Variants in CST7 observed in about 807,000 individuals in gnomAD.
The protein encoded by CST7 is cystatin F.
In CST7, 15 loss-of-function variants were observed where a neutral mutation model predicts 13.1. That is an observed-to-expected ratio of 1.14 (90% CI 0.77 to 1.76). CST7 has a LOEUF of 1.76. CST7 is among the 40% of genes most tolerant of loss of function. CST7 has a pLI of 0.00. For missense variants in CST7, 193 were observed against 178.8 expected, an observed-to-expected ratio of 1.08 and a Z score of -0.45; for synonymous variants, 75 against 66.9, an observed-to-expected ratio of 1.12 and a Z score of -0.59.
chr20:24,952,047 C>T (rs955736118), intron 1 of CST7, among the ~76,000 whole-genome samples: 14 of 152,226 alleles, frequency 9.2e-5, no homozygotes, highest in African/African-American at 3.4e-4. Context: ...TCCTGGGGAG[C>T]ACTGGGAGCT....
intron 1 of CST7, among the ~76,000 whole-genome samples, chr20:24,951,298 G>A (rs1234544305): frequency 1.3e-5 from 2 of 152,198 alleles, no homozygotes; most frequent in Non-Finnish European, 2.9e-5. Context: ...AACAGAGGTG[G>A]CTCGGGGAAG....
intron 1 of CST7, 103 bp downstream of exon 1, chr20:24,949,678 C>G (rs2087808193): frequency 2.1e-6 from 3 of 1,454,606 alleles, no homozygotes. Context: ...TTGGAGCCCC[C>G]ACAGGACCAT....
intron 1 of CST7, among the ~76,000 whole-genome samples, chr20:24,956,432 C>T (rs144288079): frequency 0.015 from 2,248 of 152,310 alleles, 62 homozygotes; most frequent in African/African-American, 0.05. Context: ...GGCACAAAGA[C>T]GCACGTCCTG....
Position 24,959,050 on chromosome 20 carries a change from G to C in CST7, c.360+6G>C. On this transcript the variant is annotated splice_donor_region_variant and intron_variant, in intron 3 of 3. Transcript: ENST00000480798. The stretch of plus-strand genomic sequence containing the variant: ...CCAACCACACCTTGAAGCAGGTAAA[G>C]CAGCAGGCCCTTCTCTCAGATGTGC... The C allele has an allele frequency of 6.2e-7, 1 of 1,604,356 alleles. No homozygotes were observed. The highest frequency in any genetic ancestry group is 8.5e-7 in the Non-Finnish European group (1 of 1,171,232).
At position 24,950,795 on chromosome 20, in the gene CST7, C is replaced by G. The variant is rs144543850; in HGVS notation, c.70+1220C>G. On this transcript the variant is annotated intron_variant, in intron 1 of 3. Transcript: ENST00000480798. Reference sequence around the variant, plus strand: ...CTGGCCCTGTCCTGATGCAGTGCTGCCTGCCTGCTGCCATTCTGTGCCCTG... The same window carrying G: ...CTGGCCCTGTCCTGATGCAGTGCTGGCTGCCTGCTGCCATTCTGTGCCCTG... 1.3e-3 allele frequency among the ~76,000 whole-genome samples: 192 copies of G among 152,306 alleles called. 1 individual carries two copies. The highest frequency in any genetic ancestry group is 2.2e-3 in the Non-Finnish European group (153 of 68,022).
At chr20:24,951,219 T>C (rs227657) in intron 1 of CST7, among the ~76,000 whole-genome samples, 15,178 of 152,162 alleles carry the variant, frequency 0.1, 821 homozygotes, top group Middle Eastern at 0.2. Context: ...GAGCGGGCCC[T>C]CAGCCTCAGT....
At chr20:24,957,045 GCAGGT>G (rs1568806091) in intron 1 of CST7, among the ~76,000 whole-genome samples, 16 of 1,264 alleles carry the variant, frequency 0.013, 1 homozygote, top group Admixed American at 0.022. Context: ...GTGAGAGGGG[GCAGGT>G]GAGGGAGAAC....
At position 24,949,330 on chromosome 20, in the gene CST7, G is replaced by A. The variant is rs187437242; in HGVS notation, c.-176G>A. ...ACAAACCATTGCCCGGCACTGGCCC[G>A]TGCTGCCTGAGAAGGATTGGCACGG... On this transcript the variant is annotated 5_prime_UTR_variant, in exon 1 of 4. The change creates a new upstream start codon in the 5' untranslated region. Transcript: ENST00000480798. 282 of 1,526,636 alleles carry A rather than the reference G, an allele frequency of 1.8e-4. 3 individuals are homozygous for A. Among genetic ancestry groups the A allele is most frequent in the South Asian group, 1.3e-3 (100 of 78,622 alleles). The allele number at this position is 1,526,636 out of a possible 1,614,324, so 94.6% of individuals were successfully genotyped here. A position where few individuals can be genotyped will look rare whatever the true frequency, so the allele number is the denominator to read the frequency against.
intron 3 of CST7, 95 bp from the exon 4 acceptor site, chr20:24,959,540 G>A: frequency 8.8e-7 from 1 of 1,137,480 alleles, no homozygotes. Flanking sequence ...AATAGGGGCA[G>A]GAGAAGAGCT....
At chr20:24,956,239 A>G (rs1375960066) in intron 1 of CST7, among the ~76,000 whole-genome samples, 10 of 152,180 alleles carry the variant, frequency 6.6e-5, no homozygotes, top group Non-Finnish European at 1.3e-4. Context: ...GACCCAGGAA[A>G]GGCCTCTTGC....
chr20:24,955,111 A>AC (rs2087845090), intron 1 of CST7, among the ~76,000 whole-genome samples: 1 of 152,072 alleles, frequency 6.6e-6, no homozygotes, highest in Non-Finnish European at 1.5e-5. Flanking sequence ...TACCCCTTCC[A>AC]TACACGTGTC....
In CST7 at chr20:24,949,283, C is replaced by A; in HGVS notation, c.-223C>A. On this transcript the variant is annotated 5_prime_UTR_variant, in exon 1 of 4. Coordinates refer to ENST00000480798, the MANE Select transcript of CST7 (RefSeq NM_003650.4). ...TGGGACAGCCCACTGTTCCATGCTGCCCAAGAAGGCTCAGCACAGGCACAA... is the reference window on the plus strand; with the variant it reads ...TGGGACAGCCCACTGTTCCATGCTGACCAAGAAGGCTCAGCACAGGCACAA... 1 of 1,381,568 alleles carries A rather than the reference C, an allele frequency of 7.2e-7. No homozygotes were observed. The highest frequency in any genetic ancestry group is 9.7e-7 in the Non-Finnish European group (1 of 1,030,224). 85.6% of individuals were successfully genotyped at this position (1,381,568 alleles called of 1,614,324 possible).
In CST7 at chr20:24,959,021, C is replaced by G; in HGVS notation, c.337C>G (p.Gln113Glu). ...CCTGCGTCTGGATGACTGTGACTTCCAAACCAACCACACCTTGAAGCAGGT... is the reference window on the plus strand; with the variant it reads ...CCTGCGTCTGGATGACTGTGACTTCGAAACCAACCACACCTTGAAGCAGGT... ...QHLRLDDCDF[Q>E]TNHTLKQTLS... Residue 113 changes from glutamine to glutamate, a missense_variant, in exon 3 of 4, where the codon CAA (glutamine) becomes GAA (glutamate). Physicochemically the swap from Gln to Glu is conservative, Grantham distance 29 (BLOSUM62 2). Coordinates refer to ENST00000480798, the MANE Select transcript of CST7 (RefSeq NM_003650.4). 6.2e-7 allele frequency: 1 copy of G among 1,613,852 alleles called. No individual in the cohort carries two copies. Among genetic ancestry groups the G allele is most frequent in the East Asian group, 2.2e-5 (1 of 44,872 alleles).
chr20:24,949,647 T>C (rs941550610), intron 1 of CST7, 72 bp downstream of exon 1: 57 of 1,578,640 alleles, frequency 3.6e-5, no homozygotes, highest in Non-Finnish European at 4.8e-5. Context: ...CCTTGGGTCT[T>C]CCCCAGGGCA....
At position 24,949,602 on chromosome 20, in the gene CST7, C is replaced by T; in HGVS notation, c.70+27C>T. 4 of 1,612,770 alleles carry T rather than the reference C, an allele frequency of 2.5e-6. No individual in the cohort carries two copies. The South Asian group carries it at 3.3e-5, about 13-fold the overall frequency. Reference sequence around the variant, plus strand: ...TAAGTGGCGTTCTCCCCTGTCCGCTCCCCGGGGGTCTCTCCCTGAGATTGG... The same window carrying T: ...TAAGTGGCGTTCTCCCCTGTCCGCTTCCCGGGGGTCTCTCCCTGAGATTGG... On this transcript the variant is annotated intron_variant, in intron 1 of 3. Transcript: ENST00000480798.
intron 1 of CST7, 33 bp downstream of exon 1, chr20:24,949,608 G>A (rs915335692): frequency 6.2e-7 from 1 of 1,612,562 alleles, no homozygotes; most frequent in Non-Finnish European, 8.5e-7. Flanking sequence ...CGCTCCCCGG[G>A]GGTCTCTCCC....
chr20:24,953,163 G>A (rs564363603), intron 1 of CST7, among the ~76,000 whole-genome samples: 12 of 152,304 alleles, frequency 7.9e-5, no homozygotes, highest in Middle Eastern at 6.8e-3. Context: ...TCGGGCACCC[G>A]GACAGGACTT....
chr20:24,959,419 G>C (rs1363184897), intron 3 of CST7, among the ~76,000 whole-genome samples: 2 of 152,172 alleles, frequency 1.3e-5, no homozygotes, highest in African/African-American at 4.8e-5. Context: ...TCTGCAGAGA[G>C]AGCAAGAGAA....
chr20:24,954,662 GA>G lies in CST7; in HGVS notation c.71-2622del, dbSNP rs553410650. ...TATTGACTTGAAGCCTACATTTTAG[GA>G]AACATGTAGTTAAATAAAAAATACC... On this transcript the variant is annotated intron_variant, in intron 1 of 3. Coordinates refer to ENST00000480798, the MANE Select transcript of CST7 (RefSeq NM_003650.4). Among the ~76,000 whole-genome samples the G allele has an allele frequency of 1.1e-3, 175 of 152,198 alleles. 1 individual carries two copies. Among genetic ancestry groups the G allele is most frequent in the African/African-American group, 4.1e-3 (169 of 41,512 alleles).
Sources: gnomAD v4.1 joint callset for allele counts (sites outside exome capture counted in the v4.1 genomes callset) on GRCh38, gnomAD v4.1.1 for gene constraint, MANE v1.5 for transcripts, NCBI Gene and HGNC (gene_info 2026-07-23, HGNC 2026-07-21) for gene names.